MAGI2: variants seen among roughly 807,000 people sequenced by gnomAD.
The protein encoded by MAGI2 is membrane-associated guanylate kinase, WW and PDZ domain-containing protein 2.
Under a neutral mutation model 133.3 loss-of-function variants are expected in MAGI2, and 35 were observed. The ratio of observed to expected loss-of-function variants is 0.26; its 90% CI spans 0.20 to 0.35. The LOEUF (loss-of-function observed/expected upper bound fraction) is 0.35. Among genes scored for constraint, MAGI2 ranks in the 10% least tolerant of loss-of-function variants. MAGI2 has a pLI of 1.00. For missense variants in MAGI2, 1,636 were observed against 1,863.4 expected (o/e 0.88, Z 2.25); for synonymous variants, 729 against 710.6 (o/e 1.03, Z -0.41).
At chr7:79,064,366 T>C (rs1814093685) in intron 1 of MAGI2, among the ~76,000 whole-genome samples, 1 of 152,066 alleles carries the variant, frequency 6.6e-6, no homozygotes, top group Non-Finnish European at 1.5e-5. Context: ...AGGAGAAATC[T>C]AAAGCTCAAA....
intron 12 of MAGI2, among the ~76,000 whole-genome samples, chr7:78,192,324 G>A (rs555857594): frequency 2.0e-5 from 3 of 151,990 alleles, no homozygotes; most frequent in South Asian, 2.1e-4. Context: ...TCATAATCAC[G>A]AATTTTGAAA....
chr7:78,528,227 C>T (rs942290003), intron 3 of MAGI2, among the ~76,000 whole-genome samples: 1 of 152,104 alleles, frequency 6.6e-6, no homozygotes, highest in Non-Finnish European at 1.5e-5. Flanking sequence ...GATGCTTGGC[C>T]TCTTTAATAG....
chr7:79,050,606 C>A (rs1445712644), intron 1 of MAGI2, among the ~76,000 whole-genome samples: 2 of 152,148 alleles, frequency 1.3e-5, no homozygotes, highest in African/African-American at 4.8e-5. Flanking sequence ...GGTCTCAAAA[C>A]TCCTGGCCTC....
In MAGI2 at chr7:79,001,160, C is replaced by T. The variant is rs1164359426; in HGVS notation, c.418+5930G>A. Among the ~76,000 whole-genome samples the T allele has an allele frequency of 2.6e-5, 4 of 152,310 alleles. No individual in the cohort carries two copies. In the East Asian group the frequency reaches 7.7e-4, roughly 29 times the overall value. Reference sequence around the variant, plus strand: ...TCGATCTCTTGACCTTGTGATCCTCCTGCCTCGGCCTCCCAAAGTGCTGGG... The same window carrying T: ...TCGATCTCTTGACCTTGTGATCCTCTTGCCTCGGCCTCCCAAAGTGCTGGG... On this transcript the variant is annotated intron_variant, in intron 2 of 21. Coordinates refer to ENST00000354212, the MANE Select transcript of MAGI2 (RefSeq NM_012301.4).
chr7:79,375,383 C>T (rs1162698048), intron 1 of MAGI2, among the ~76,000 whole-genome samples: 1 of 151,900 alleles, frequency 6.6e-6, no homozygotes, highest in Non-Finnish European at 1.5e-5. Context: ...CTCCTAACTT[C>T]AGAACTGAGA....
rs1290120496 is a variant in MAGI2 at position 78,256,416 on chromosome 7, G to A, written c.1574C>T (p.Pro525Leu). The A allele has an allele frequency of 1.2e-6, 2 of 1,613,910 alleles. No homozygotes were observed. Among genetic ancestry groups the A allele is most frequent in the Admixed American group, 3.3e-5 (2 of 60,002 alleles). ...DPEDPANSMVPPLAIMERPPP... is the reference protein window; with the variant it reads ...DPEDPANSMVLPLAIMERPPP... ...TGGCCTCTCCATTATTGCAAGGGGTGGCACCATGCTGTTAGCAGGGTCTTC... is the reference window on the plus strand; with the variant it reads ...TGGCCTCTCCATTATTGCAAGGGGTAGCACCATGCTGTTAGCAGGGTCTTC... Residue 525 changes from proline to leucine, a missense_variant, in exon 10 of 22, where the codon CCA (proline) becomes CTA (leucine). Around this residue, in one of 5 missense-constraint regions of MAGI2, gnomAD observed 920 missense variants for 1,093.5 expected, o/e 0.84. Coordinates refer to ENST00000354212, the MANE Select transcript of MAGI2 (RefSeq NM_012301.4).
intron 1 of MAGI2, among the ~76,000 whole-genome samples, chr7:79,164,633 G>A (rs1824745182): frequency 6.6e-6 from 1 of 151,808 alleles, no homozygotes; most frequent in African/African-American, 2.4e-5. Flanking sequence ...TTGATCCCAG[G>A]TCTTTAGACA....
intron 2 of MAGI2, among the ~76,000 whole-genome samples, chr7:78,641,453 G>C (rs1468902735): frequency 6.6e-6 from 1 of 152,162 alleles, no homozygotes; most frequent in East Asian, 1.9e-4. Context: ...GCACAGCTGT[G>C]TTCTAACGAA....
At chr7:78,592,186 A>T (rs915047415) in intron 3 of MAGI2, among the ~76,000 whole-genome samples, 1 of 152,266 alleles carries the variant, frequency 6.6e-6, no homozygotes, top group Non-Finnish European at 1.5e-5. Flanking sequence ...CTAAAAGCAC[A>T]TCTTCAAATG....
At chr7:78,852,933 A>G (rs1474455676) in intron 2 of MAGI2, among the ~76,000 whole-genome samples, 1 of 152,204 alleles carries the variant, frequency 6.6e-6, no homozygotes, top group African/African-American at 2.4e-5. Flanking sequence ...GATTTTTAGA[A>G]TAGTGATGTA....
intron 1 of MAGI2, among the ~76,000 whole-genome samples, chr7:79,369,997 T>A (rs2129132524): frequency 6.6e-6 from 1 of 152,186 alleles, no homozygotes; most frequent in East Asian, 1.9e-4. Flanking sequence ...GTGGCTACAT[T>A]TTTGCTTTTG....
intron 2 of MAGI2, among the ~76,000 whole-genome samples, chr7:78,925,418 T>C (rs967225318): frequency 5.3e-5 from 8 of 152,088 alleles, no homozygotes; most frequent in African/African-American, 1.9e-4. Context: ...TGCCTCTCTA[T>C]TAAATATTGT....
chr7:78,527,042 A>G (rs1350880930), intron 3 of MAGI2, among the ~76,000 whole-genome samples: 1 of 150,978 alleles, frequency 6.6e-6, no homozygotes, highest in African/African-American at 2.4e-5. Context: ...AAAGAAAAAG[A>G]AAAAAAGAAA....
At chr7:78,257,711 T>C (rs1793134184) in intron 9 of MAGI2, among the ~76,000 whole-genome samples, 1 of 152,228 alleles carries the variant, frequency 6.6e-6, no homozygotes, top group African/African-American at 2.4e-5. Context: ...GGTATTTTTA[T>C]CTTCACAAAC....
intron 2 of MAGI2, chr7:78,940,561 G>A (rs1584454867): frequency 1.3e-5 from 2 of 152,148 alleles, no homozygotes; most frequent in African/African-American, 2.4e-5. Flanking sequence ...AAGGAATCAA[G>A]CCCCCAACTG....
chr7:79,353,849 C>T (rs1335917571), intron 1 of MAGI2: 2 of 202,754 alleles, frequency 9.9e-6, no homozygotes, highest in Non-Finnish European at 2.1e-5. Context: ...TGCTGGGAGC[C>T]CTGCTTATGC....
chr7:79,434,512 T>G (rs375899051), intron 1 of MAGI2, among the ~76,000 whole-genome samples: 5 of 152,150 alleles, frequency 3.3e-5, no homozygotes, highest in African/African-American at 9.6e-5. Context: ...TGCCTGATTT[T>G]GGGGAAAAAA....
intron 3 of MAGI2, among the ~76,000 whole-genome samples, chr7:78,555,434 T>C (rs1018519911): frequency 2.0e-5 from 3 of 152,078 alleles, no homozygotes; most frequent in African/African-American, 2.4e-5. Flanking sequence ...ATGAGATATA[T>C]GGACACATAT....
chr7:78,724,210 G>T (rs1201246293), intron 2 of MAGI2, among the ~76,000 whole-genome samples: 1 of 152,100 alleles, frequency 6.6e-6, no homozygotes, highest in Admixed American at 6.5e-5. Flanking sequence ...TAGGAAGAGA[G>T]GATATAGACA....
Sources: gnomAD v4.1 joint callset for allele counts (sites outside exome capture counted in the v4.1 genomes callset) on GRCh38, gnomAD v4.1.1 for gene constraint, gnomAD v4.1.1 regional missense constraint, MANE v1.5 for transcripts, NCBI Gene and HGNC (gene_info 2026-07-23, HGNC 2026-07-21) for gene names.